CLVS2: variants seen among roughly 807,000 people sequenced by gnomAD.
CLVS2 encodes clavesin-2.
Under a neutral mutation model 29.0 loss-of-function variants are expected in CLVS2, and 19 were observed. The observed-to-expected ratio is 0.66, with a 90% CI of 0.46 to 0.96. The LOEUF is 0.96. CLVS2 is among the 40% of genes least tolerant of loss of function. CLVS2 has a pLI of 0.00. For missense variants in CLVS2, 294 were observed against 404.1 expected (o/e 0.73, Z 2.34); for synonymous variants, 161 against 151.3 (o/e 1.06, Z -0.47).
At chr6:123,013,014 C>T (rs970928714) in intron 3 of CLVS2, among the ~76,000 whole-genome samples, 6 of 152,020 alleles carry the variant, frequency 3.9e-5, no homozygotes, top group African/African-American at 1.4e-4. Context: ...GTGTCTGTAT[C>T]TGTGTCTGTG....
intron 2 of CLVS2, among the ~76,000 whole-genome samples, chr6:123,000,260 A>G (rs1774572666): frequency 6.6e-6 from 1 of 152,314 alleles, no homozygotes; most frequent in African/African-American, 2.4e-5. Flanking sequence ...GTGAAAAGGT[A>G]TACAAGTGAT....
intron 3 of CLVS2, among the ~76,000 whole-genome samples, chr6:123,015,182 A>G (rs754349291): frequency 3.3e-5 from 5 of 152,046 alleles, no homozygotes; most frequent in Non-Finnish European, 5.9e-5. Context: ...ATTGAGGAAA[A>G]TAACCAGAGA....
chr6:123,029,018 A>G (rs73769346), intron 3 of CLVS2, among the ~76,000 whole-genome samples: 1 of 152,172 alleles, frequency 6.6e-6, no homozygotes, highest in Non-Finnish European at 1.5e-5. Flanking sequence ...GAGACACACA[A>G]GAAAGTTTGC....
intron 2 of CLVS2, among the ~76,000 whole-genome samples, chr6:123,003,210 T>A (rs1265453420): frequency 6.6e-6 from 1 of 152,208 alleles, no homozygotes; most frequent in Non-Finnish European, 1.5e-5. Flanking sequence ...GGACGTTGAC[T>A]AAGGCTGGCC....
intron 3 of CLVS2, among the ~76,000 whole-genome samples, chr6:123,022,882 T>C (rs1463389753): frequency 1.3e-5 from 2 of 151,938 alleles, no homozygotes; most frequent in African/African-American, 2.4e-5. Context: ...CAATGATGGG[T>C]TTCTGCAGGA....
chr6:123,004,943 CAAAAAACAA>C (rs1774644037), intron 2 of CLVS2, among the ~76,000 whole-genome samples: 5 of 62,146 alleles, frequency 8.0e-5, no homozygotes, highest in African/African-American at 2.7e-4. Flanking sequence ...AAAACAAAAA[CAAAAAACAA>C]AAAAAAAAAA....
intron 4 of CLVS2, among the ~76,000 whole-genome samples, chr6:123,051,874 A>T (rs1403003220): frequency 6.6e-6 from 1 of 152,204 alleles, no homozygotes; most frequent in African/African-American, 2.4e-5. Context: ...AAAAATAGTA[A>T]AATGTTAATA....
chr6:123,015,902 C>T (rs775679484), intron 3 of CLVS2, among the ~76,000 whole-genome samples: 10 of 151,654 alleles, frequency 6.6e-5, no homozygotes, highest in Non-Finnish European at 1.2e-4. Context: ...AATATTGGTC[C>T]AAGGTAAGTT....
chr6:123,047,257 T>C (rs2114352993), intron 3 of CLVS2, among the ~76,000 whole-genome samples: 1 of 152,166 alleles, frequency 6.6e-6, no homozygotes, highest in South Asian at 2.1e-4. Flanking sequence ...ATCTTCTTTT[T>C]ATTTATACAT....
At chr6:123,044,624 G>T (rs1772452850) in intron 3 of CLVS2, among the ~76,000 whole-genome samples, 1 of 151,950 alleles carries the variant, frequency 6.6e-6, no homozygotes. Context: ...TGAAGGGAGG[G>T]TCTAGAAGAA....
At chr6:123,024,235 A>G (rs549666661) in intron 3 of CLVS2, among the ~76,000 whole-genome samples, 168 of 152,282 alleles carry the variant, frequency 1.1e-3, no homozygotes, top group African/African-American at 3.7e-3. Flanking sequence ...CTGGCCTTCC[A>G]TGTTGTAAGA....
At chr6:123,021,803 G>A (rs1038985495) in intron 3 of CLVS2, among the ~76,000 whole-genome samples, 5 of 152,110 alleles carry the variant, frequency 3.3e-5, no homozygotes, top group Admixed American at 6.6e-5. Flanking sequence ...TGTAACTCTA[G>A]GCTCCCCTCT....
chr6:122,997,815 T>G lies in CLVS2; in HGVS notation c.38T>G (p.Leu13Arg), dbSNP rs1774533929. The change falls in exon 2 of 6, where the codon CTG becomes CGG. Residue 13 changes from leucine to arginine, a missense_variant. Around this residue, in one of 2 missense-constraint regions of CLVS2, gnomAD observed 212 missense variants for 336.4 expected, o/e 0.63. Transcript: ENST00000275162. ...HLQAGLSPET[L>R]EKARLELNEN... ...CAAGCCGGTCTCTCCCCTGAGACCC[T>G]GGAGAAAGCTCGCCTGGAGCTCAAT... The G allele has an allele frequency of 1.2e-6, 2 of 1,614,074 alleles. No homozygotes were observed. The highest frequency in any genetic ancestry group is 1.3e-5 in the African/African-American group (1 of 75,012).
chr6:123,041,062 G>A (rs1466053738), intron 3 of CLVS2, among the ~76,000 whole-genome samples: 1 of 152,062 alleles, frequency 6.6e-6, no homozygotes, highest in Non-Finnish European at 1.5e-5. Context: ...TCATAAACTG[G>A]AGCAGCCCTG....
chr6:123,027,207 T>C (rs1775015484), intron 3 of CLVS2, among the ~76,000 whole-genome samples: 1 of 152,180 alleles, frequency 6.6e-6, no homozygotes, highest in Non-Finnish European at 1.5e-5. Flanking sequence ...GAATGGAGAA[T>C]CAGTGACATC....
In CLVS2 at chr6:123,062,119, A is replaced by G. The variant is rs572242366; in HGVS notation, c.897-1555A>G. On this transcript the variant is annotated intron_variant, in intron 5 of 5. Transcript: ENST00000275162. ...GCTTATGGAACTTGCAGTCTAGTGC[A>G]TATCAGTTGTCAGGTTAATACTTTA... Among the ~76,000 whole-genome samples the G allele has an allele frequency of 6.6e-5, 10 of 152,282 alleles. No homozygotes were observed. The South Asian group carries it at 1.7e-3, about 25-fold the overall frequency.
At chr6:123,041,188 T>C (rs1775227620) in intron 3 of CLVS2, among the ~76,000 whole-genome samples, 1 of 152,160 alleles carries the variant, frequency 6.6e-6, no homozygotes, top group Non-Finnish European at 1.5e-5. Context: ...AATAAAAGGA[T>C]AGTTCTGAGT....
At chr6:123,042,521 A>G (rs1281130162) in intron 3 of CLVS2, among the ~76,000 whole-genome samples, 2 of 152,140 alleles carry the variant, frequency 1.3e-5, no homozygotes, top group Non-Finnish European at 2.9e-5. Context: ...TACAATCCCA[A>G]TTTAAACTCT....
chr6:123,062,081 T>G (rs144488322), intron 5 of CLVS2, among the ~76,000 whole-genome samples: 4 of 152,148 alleles, frequency 2.6e-5, no homozygotes, highest in African/African-American at 9.7e-5. Context: ...GGAAAGAAAC[T>G]GATAAAGTCC....
Sources: allele counts gnomAD v4.1 joint callset (sites outside exome capture counted in the v4.1 genomes callset), GRCh38; gene constraint gnomAD v4.1.1; regional missense constraint gnomAD v4.1.1; transcripts MANE v1.5; gene names NCBI Gene and HGNC (gene_info 2026-07-23, HGNC 2026-07-21).